The following NARS2 variants were observed in gnomAD, a reference collection of about 807,000 sequenced individuals.
The protein encoded by NARS2 is asparaginyl-tRNA synthetase.
A neutral mutation model predicts 62.9 loss-of-function variants in NARS2; 60 were observed. The observed-to-expected ratio is 0.95, with a 90% confidence interval of 0.77 to 1.18. NARS2 has a LOEUF of 1.18. Among genes scored for constraint, NARS2 ranks in the 50% most tolerant of loss-of-function variants. The pLI is 0.00. For synonymous variants in NARS2, 196 were observed against 200.0 expected (o/e 0.98, Z 0.17); for missense variants, 619 against 576.4 (o/e 1.07, Z -0.76).
chr11:78,436,739 G>A lies in NARS2; in HGVS notation c.1365C>T (p.Cys455=), dbSNP rs779606673. ...FGMGFERYLQ[C]ILGVDNIKDV... ...CTTTGATATTGTCAACACCCAAGAT[G>A]CACTGCAGGTAGCGTTCAAATCCCA... The change falls in exon 14 of 14, where the codon TGC becomes TGT. Residue 455 remains cysteine (C), a synonymous_variant. Coordinates refer to ENST00000281038, the MANE Select transcript of NARS2 (RefSeq NM_024678.6). The A allele has an allele frequency of 5.0e-6, 8 of 1,614,162 alleles. No individual in the cohort carries two copies. Among genetic ancestry groups the A allele is most frequent in the South Asian group, 1.1e-5 (1 of 91,086 alleles).
chr11:78,549,327 C>T (rs1485837577), intron 5 of NARS2, among the ~76,000 whole-genome samples: 2 of 152,226 alleles, frequency 1.3e-5, no homozygotes, highest in African/African-American at 4.8e-5. Flanking sequence ...TCCATTGTCC[C>T]TTCCGCCAGC....
At chr11:78,491,118 T>C (rs959738745) in intron 7 of NARS2, among the ~76,000 whole-genome samples, 7 of 152,232 alleles carry the variant, frequency 4.6e-5, no homozygotes, top group Non-Finnish European at 1.0e-4. Flanking sequence ...GAAGCTCAGA[T>C]CCTGAATCCC....
chr11:78,544,550 T>C (rs1031235558), intron 5 of NARS2, among the ~76,000 whole-genome samples: 1 of 152,144 alleles, frequency 6.6e-6, no homozygotes, highest in African/African-American at 2.4e-5. Context: ...TCCCAGCACT[T>C]GGGAGACTGA....
rs146873762 is a variant in NARS2, at chr11:78,542,323, T to C, written c.595-13387A>G. ...AGGTTGAGGCAAAACAGAAAGTGAA[T>C]ATACAATGCTGCCTTATTTTTCTTT... On this transcript the variant is annotated intron_variant, in intron 5 of 13. Transcript: ENST00000281038. Among the ~76,000 whole-genome samples the C allele has an allele frequency of 3.5e-3, 535 of 152,308 alleles. 2 individuals are homozygous for C. The highest frequency in any genetic ancestry group is 0.012 in the African/African-American group (513 of 41,564).
chr11:78,570,161 G>C (rs559953410), intron 2 of NARS2, among the ~76,000 whole-genome samples: 1 of 152,074 alleles, frequency 6.6e-6, no homozygotes, highest in South Asian at 2.1e-4. Flanking sequence ...CTACATTCCA[G>C]CCTGAGCGAC....
At chr11:78,549,684 G>A (rs1856019938) in intron 5 of NARS2, among the ~76,000 whole-genome samples, 1 of 152,170 alleles carries the variant, frequency 6.6e-6, no homozygotes, top group African/African-American at 2.4e-5. Context: ...CCCAGACTTT[G>A]AAAACAATAG....
intron 6 of NARS2, among the ~76,000 whole-genome samples, chr11:78,524,870 T>C (rs914007644): frequency 6.6e-6 from 1 of 152,034 alleles, no homozygotes; most frequent in Non-Finnish European, 1.5e-5. Flanking sequence ...GCCTGGGAAA[T>C]CTGCCAAAAC....
At chr11:78,495,694 C>T (rs879436439) in intron 6 of NARS2, among the ~76,000 whole-genome samples, 6 of 152,078 alleles carry the variant, frequency 3.9e-5, no homozygotes, top group Admixed American at 2.0e-4. Context: ...TAGAAAAATA[C>T]TCAGATATAT....
chr11:78,491,218 T>C (rs1199469828), intron 7 of NARS2, among the ~76,000 whole-genome samples: 1 of 152,202 alleles, frequency 6.6e-6, no homozygotes, highest in East Asian at 1.9e-4. Context: ...GCACTTTAGG[T>C]TGTTGAACAG....
At chr11:78,467,572 AATT>A (rs1158101657) in intron 10 of NARS2, among the ~76,000 whole-genome samples, 15 of 151,414 alleles carry the variant, frequency 9.9e-5, no homozygotes, top group African/African-American at 3.6e-4. Context: ...TAAATAAATT[AATT>A]AATTAATTAA....
At chr11:78,567,974 A>T (rs528213516) in intron 3 of NARS2, among the ~76,000 whole-genome samples, 17 of 152,298 alleles carry the variant, frequency 1.1e-4, no homozygotes, top group Admixed American at 9.8e-4. Context: ...ATAATCTTTT[A>T]TTCTCTCTAA....
rs748924320 is a variant in NARS2, at chr11:78,436,740, C to T, written c.1364G>A (p.Cys455Tyr). 1 of 1,614,126 alleles carries T rather than the reference C, an allele frequency of 6.2e-7. No homozygotes were observed. Among genetic ancestry groups the T allele is most frequent in the South Asian group, 1.1e-5 (1 of 91,084 alleles). Residue 455 changes from cysteine (C) to tyrosine (Y), a missense_variant, in exon 14 of 14, where the codon TGC (cysteine) becomes TAC (tyrosine). Cys to Tyr is a radical substitution (Grantham distance 194). Coordinates refer to ENST00000281038, the MANE Select transcript of NARS2 (RefSeq NM_024678.6). ...FGMGFERYLQ[C>Y]ILGVDNIKDV... ...TTTGATATTGTCAACACCCAAGATG[C>T]ACTGCAGGTAGCGTTCAAATCCCAT...
intron 5 of NARS2, chr11:78,558,566 TTC>T (rs1856447387): frequency 6.6e-6 from 1 of 152,204 alleles, no homozygotes; most frequent in African/African-American, 2.4e-5. Flanking sequence ...GATCATACCA[TTC>T]TCTCTGTCCA....
At chr11:78,450,983 T>C (rs995377002) in intron 11 of NARS2, among the ~76,000 whole-genome samples, 2 of 152,126 alleles carry the variant, frequency 1.3e-5, no homozygotes, top group African/African-American at 4.8e-5. Context: ...GCCCAGCCCT[T>C]GTTGTCTTTT....
intron 6 of NARS2, among the ~76,000 whole-genome samples, chr11:78,523,119 G>A (rs1861186609): frequency 6.6e-6 from 1 of 151,982 alleles, no homozygotes; most frequent in Non-Finnish European, 1.5e-5. Context: ...AATAACTCAA[G>A]GACTTACATA....
rs555501072 is a variant in NARS2 at position 78,480,096 on chromosome 11, C to T, written c.823-1413G>A. Among the ~76,000 whole-genome samples, 35 of 151,992 alleles carry T rather than the reference C, an allele frequency of 2.3e-4. No individual in the cohort carries two copies. The South Asian group carries it at 4.8e-3, about 21-fold the overall frequency. Reference sequence around the variant, plus strand: ...TTGATATTTAGTAGAGATTAGGTCTCGCTATATTGCCCAGACTGGTCTCGA... The same window carrying T: ...TTGATATTTAGTAGAGATTAGGTCTTGCTATATTGCCCAGACTGGTCTCGA... On this transcript the variant is annotated intron_variant, in intron 7 of 13. Transcript: ENST00000281038.
chr11:78,543,426 T>C (rs1211541144), intron 5 of NARS2, among the ~76,000 whole-genome samples: 5 of 152,216 alleles, frequency 3.3e-5, no homozygotes, highest in Non-Finnish European at 7.3e-5. Flanking sequence ...CAAAAAACTT[T>C]CCAGTGTTTA....
intron 6 of NARS2, among the ~76,000 whole-genome samples, chr11:78,507,040 T>C (rs1416217440): frequency 6.6e-6 from 1 of 151,388 alleles, no homozygotes; most frequent in Non-Finnish European, 1.5e-5. Context: ...GGGAGCTGAG[T>C]TGGAGAAAAA....
chr11:78,500,116 A>G (rs1029080832), intron 6 of NARS2, among the ~76,000 whole-genome samples: 2 of 152,216 alleles, frequency 1.3e-5, no homozygotes, highest in African/African-American at 4.8e-5. Context: ...ACAGAGGTAG[A>G]GGAGTCATTA....
Sources: gnomAD v4.1 joint callset for allele counts (sites outside exome capture counted in the v4.1 genomes callset) on GRCh38, gnomAD v4.1.1 for gene constraint, MANE v1.5 for transcripts, NCBI Gene and HGNC (gene_info 2026-07-23, HGNC 2026-07-21) for gene names.